Variants in GLP1R observed in about 807,000 individuals in gnomAD.
The protein encoded by GLP1R is glucagon-like peptide 1 receptor.
A neutral mutation model predicts 68.4 loss-of-function variants in GLP1R; 32 were observed. The ratio of observed to expected loss-of-function variants is 0.47; its 90% CI spans 0.35 to 0.63. The LOEUF (loss-of-function observed/expected upper bound fraction) is 0.63. Among genes scored for constraint, GLP1R ranks in the 20% least tolerant of loss-of-function variants. The pLI is 0.00. For synonymous variants in GLP1R, 263 were observed against 244.4 expected (o/e 1.08, Z -0.71); for missense variants, 502 against 594.9 (o/e 0.84, Z 1.62).
At chr6:39,055,384 T>A (rs1768187740) in intron 1 of GLP1R, among the ~76,000 whole-genome samples, 1 of 152,256 alleles carries the variant, frequency 6.6e-6, no homozygotes, top group Non-Finnish European at 1.5e-5. Context: ...ATATTTATAA[T>A]TTTTAAGGCT....
intron 3 of GLP1R, among the ~76,000 whole-genome samples, chr6:39,063,951 A>G (rs1202831998): frequency 1.6e-5 from 2 of 127,088 alleles, no homozygotes; most frequent in African/African-American, 3.2e-5. Context: ...ACACACACAC[A>G]CACACACACA....
chr6:39,083,511 G>T lies in GLP1R; in HGVS notation c.1225-2395G>T, dbSNP rs148398400. Among the ~76,000 whole-genome samples, 232 of 152,320 alleles carry T rather than the reference G, an allele frequency of 1.5e-3. No individual in the cohort carries two copies. The Middle Eastern group carries it at 0.024, about 16-fold the overall frequency. ...TGGTGGGCGTGAGTGGGGACAGGGA[G>T]GGGGAGGCCTGAAGGTGGTTTTGCT... On this transcript the variant is annotated intron_variant, in intron 12 of 12. Coordinates refer to ENST00000373256, the MANE Select transcript of GLP1R (RefSeq NM_002062.5).
At chr6:39,085,597 T>C (rs1358043463) in intron 12 of GLP1R, among the ~76,000 whole-genome samples, 4 of 152,178 alleles carry the variant, frequency 2.6e-5, no homozygotes, top group Non-Finnish European at 5.9e-5. Context: ...TCACCCTCCC[T>C]CTCATTCTCT....
chr6:39,065,818 C>A lies in GLP1R; in HGVS notation c.391C>A (p.Arg131=). ...CTTGTCGGAGTGCGAGGAGTCCAAG[C>A]GAGGGGAAAGAGTGAGTTGAGGCGG... ...RDLSECEESK[R]GERSSPEEQL... The change falls in exon 4 of 13, where the codon CGA becomes AGA. Residue 131 remains arginine, a synonymous_variant. Coordinates refer to ENST00000373256, the MANE Select transcript of GLP1R (RefSeq NM_002062.5). 2 of 1,595,304 alleles carry A rather than the reference C, an allele frequency of 1.3e-6. No individual in the cohort carries two copies. Among genetic ancestry groups the A allele is most frequent in the South Asian group, 2.2e-5 (2 of 89,300 alleles).
Position 39,088,837 on chromosome 6 carries a change from C to A in GLP1R, c.*2764C>A, listed in dbSNP as rs545665990. 9.2e-5 allele frequency among the ~76,000 whole-genome samples: 14 copies of A among 152,230 alleles called. No individual in the cohort carries two copies. The highest frequency in any genetic ancestry group is 5.2e-4 in the Admixed American group (8 of 15,278). Reference sequence around the variant, plus strand: ...GCAGAGAAAGACCTTGGTGATCCCCCCTGGCCCGATCTATAGGATTGAGGA... The same window carrying A: ...GCAGAGAAAGACCTTGGTGATCCCCACTGGCCCGATCTATAGGATTGAGGA... On this transcript the variant is annotated 3_prime_UTR_variant, in exon 13 of 13. Coordinates refer to ENST00000373256, the MANE Select transcript of GLP1R (RefSeq NM_002062.5).
intron 3 of GLP1R, among the ~76,000 whole-genome samples, chr6:39,061,436 G>A (rs1423463929): frequency 2.0e-5 from 3 of 152,186 alleles, no homozygotes; most frequent in Admixed American, 2.0e-4. Context: ...CTAATTATAT[G>A]AGAGTCATAA....
At position 39,079,538 on chromosome 6, in the gene GLP1R, C is replaced by A; in HGVS notation, c.1044-26C>A. On this transcript the variant is annotated intron_variant, in intron 10 of 12. Coordinates refer to ENST00000373256, the MANE Select transcript of GLP1R (RefSeq NM_002062.5). The surrounding 1 kb of genome is among the most constrained non-coding windows in gnomAD (Gnocchi z 4.5). ...AGTCCATGGGAGAGGTCCAGAATGA[C>A]TCGAGATCTCTGCCCTGCCCCTCAG... 6.4e-7 allele frequency: 1 copy of A among 1,565,548 alleles called. No individual in the cohort carries two copies. Among genetic ancestry groups the A allele is most frequent in the Non-Finnish European group, 8.6e-7 (1 of 1,159,022 alleles).
intron 3 of GLP1R, 55 bp downstream of exon 3, chr6:39,057,634 TC>T: frequency 1.0e-6 from 1 of 976,192 alleles, no homozygotes; most frequent in Non-Finnish European, 1.5e-6. Flanking sequence ...GTGAACCCCC[TC>T]CCCGACCTGG....
chr6:39,054,844 G>A (rs1768173269), intron 1 of GLP1R, among the ~76,000 whole-genome samples: 1 of 152,228 alleles, frequency 6.6e-6, no homozygotes, highest in African/African-American at 2.4e-5. Flanking sequence ...GAAGTGAGAA[G>A]GGAAACGGGG....
At chr6:39,051,739 C>A (rs1159434199) in intron 1 of GLP1R, among the ~76,000 whole-genome samples, 1 of 151,976 alleles carries the variant, frequency 6.6e-6, no homozygotes, top group African/African-American at 2.4e-5. Context: ...CCCCAGTTCC[C>A]AGGTATGTGT....
At position 39,071,671 on chromosome 6, in the gene GLP1R, T is replaced by C. The variant is rs1768670887; in HGVS notation, c.510-1191T>C. Among the ~76,000 whole-genome samples, 7 of 152,296 alleles carry C rather than the reference T, an allele frequency of 4.6e-5. No homozygotes were observed. The South Asian group carries it at 1.5e-3, about 32-fold the overall frequency. ...CACCTACAGTTTTTTTCTGTTTATC[T>C]TTCCCTGTCCGGATACCATGGTGCC... On this transcript the variant is annotated intron_variant, in intron 5 of 12. Transcript: ENST00000373256.
chr6:39,060,729 C>T (rs1768337371), intron 3 of GLP1R, among the ~76,000 whole-genome samples: 1 of 152,222 alleles, frequency 6.6e-6, no homozygotes. Context: ...ATGGCTCAGG[C>T]TTCTAGAGTT....
rs2150816594 is a variant in GLP1R, at chr6:39,048,786, T to C, written c.-55T>C. 9.8e-6 allele frequency: 8 copies of C among 814,756 alleles called. No individual in the cohort carries two copies. The East Asian group carries it at 2.5e-4, about 26-fold the overall frequency. 50.5% of individuals were successfully genotyped at this position (814,756 alleles called of 1,614,324 possible). On this transcript the variant is annotated 5_prime_UTR_variant, in exon 1 of 13. Coordinates refer to ENST00000373256, the MANE Select transcript of GLP1R (RefSeq NM_002062.5). ...CCGCCCGCCACCAGCCCGGGATCAG[T>C]CTCCGCACGCGGTTCCGCAGGTGGC...
In GLP1R at chr6:39,090,659, C is replaced by A. The variant is rs542076377; in HGVS notation, c.*4586C>A. Among the ~76,000 whole-genome samples, 1 of 152,286 alleles carries A rather than the reference C, an allele frequency of 6.6e-6. No individual in the cohort carries two copies. The highest frequency in any genetic ancestry group is 2.1e-4 in the South Asian group (1 of 4,822). On this transcript the variant is annotated 3_prime_UTR_variant, in exon 13 of 13. Coordinates refer to ENST00000373256, the MANE Select transcript of GLP1R (RefSeq NM_002062.5). ...TCCTAACTTACATTGGGTGGTGCAA[C>A]CTTTCTGACGGGGCCTGCCAAACTA...
At chr6:39,072,479 C>T (rs1768697121) in intron 5 of GLP1R, among the ~76,000 whole-genome samples, 1 of 152,212 alleles carries the variant, frequency 6.6e-6, no homozygotes. Context: ...GTGCCTAGTC[C>T]TGCTCTGCCT....
chr6:39,085,436 G>C (rs183262726), intron 12 of GLP1R, among the ~76,000 whole-genome samples: 1 of 152,270 alleles, frequency 6.6e-6, no homozygotes, highest in East Asian at 1.9e-4. Context: ...GGCCTGGAGA[G>C]AAGCCCTCAG....
intron 12 of GLP1R, among the ~76,000 whole-genome samples, chr6:39,083,027 T>G (rs756711217): frequency 2.6e-5 from 4 of 152,072 alleles, no homozygotes; most frequent in Non-Finnish European, 5.9e-5. Context: ...ACCTCCCTCC[T>G]CATGCACCAC....
At chr6:39,067,418 G>C (rs1316423243) in intron 5 of GLP1R, among the ~76,000 whole-genome samples, 2 of 152,200 alleles carry the variant, frequency 1.3e-5, no homozygotes, top group East Asian at 3.9e-4. Context: ...TGTCTAGTAA[G>C]TTCTTGTCCT....
At position 39,051,704 on chromosome 6, in the gene GLP1R, G is replaced by A. The variant is rs142077944; in HGVS notation, c.78+2786G>A. Among the ~76,000 whole-genome samples the A allele has an allele frequency of 6.6e-3, 1,012 of 152,242 alleles. 9 individuals are homozygous for A. Among genetic ancestry groups the A allele is most frequent in the Non-Finnish European group, 9.8e-3 (668 of 68,012 alleles). Reference sequence around the variant, plus strand: ...ACAGGTAGTCTGAGACAGACCAGGGGGAGAAGGGAGTAGGCTATATGAACC... The same window carrying A: ...ACAGGTAGTCTGAGACAGACCAGGGAGAGAAGGGAGTAGGCTATATGAACC... On this transcript the variant is annotated intron_variant, in intron 1 of 12. Transcript: ENST00000373256.
Sources: gnomAD v4.1 joint callset for allele counts (sites outside exome capture counted in the v4.1 genomes callset) on GRCh38, gnomAD v4.1.1 for gene constraint, Gnocchi (gnomAD v3.1) non-coding constraint, MANE v1.5 for transcripts, NCBI Gene and HGNC (gene_info 2026-07-23, HGNC 2026-07-21) for gene names.